Variants in TKTL1 observed in about 807,000 individuals in gnomAD.
The protein encoded by TKTL1 is transketolase-like protein 1.
A neutral mutation model predicts 39.3 loss-of-function variants in TKTL1; 1 was observed. That is an observed-to-expected ratio of 0.03 (90% CI 0.01 to 0.12). TKTL1 has a LOEUF of 0.12. Ranked by LOEUF, TKTL1 falls within the 10% of genes least tolerant of loss-of-function variation. The pLI, the probability that TKTL1 is intolerant of heterozygous loss-of-function variation, is 1.00. For synonymous variants in TKTL1, 262 were observed against 193.8 expected, an observed-to-expected ratio of 1.35 and a Z score of -2.92; for missense variants, 575 against 509.6, an observed-to-expected ratio of 1.13 and a Z score of -1.24.
intron 1 of TKTL1, among the ~76,000 whole-genome samples, chrX:154,301,746 A>G (rs1348476913): frequency 1.0e-5 from 1 of 97,313 alleles, no homozygotes; most frequent in African/African-American, 3.9e-5. Flanking sequence ...TTTAGTCCCC[A>G]TTTTCTTTCT....
In TKTL1 at chrX:154,311,237, A is replaced by G. The variant is rs972546874; in HGVS notation, c.669A>G (p.Pro223=). 8.3e-7 allele frequency: 1 copy of G among 1,210,051 alleles called. No individual in the cohort carries two copies. The highest frequency in any genetic ancestry group is 1.1e-6 in the Non-Finnish European group (1 of 894,978). ...VAKTFKGRGT[P]SIEDAESWHA... ...AGACCTTCAAGGGCCGGGGCACCCC[A>G]AGTAAGCAAGCACTTTCCTCCTGCT... The change falls in exon 5 of 13, where the codon CCA becomes CCG. Residue 223 remains proline, a splice_region_variant and synonymous_variant. Transcript: ENST00000369915.
chrX:154,307,210 C>T (rs1265041376), intron 2 of TKTL1, among the ~76,000 whole-genome samples: 2 of 109,910 alleles, frequency 1.8e-5, no homozygotes, highest in East Asian at 5.7e-4. Flanking sequence ...AGAGCAAGAC[C>T]CTGTCTCAAA....
Position 154,320,909 on chromosome X carries a change from T to C in TKTL1, c.1182T>C (p.Ser394=), listed in dbSNP as rs782249363. The C allele has an allele frequency of 2.1e-5, 25 of 1,209,543 alleles. No homozygotes were observed. The highest frequency in any genetic ancestry group is 2.6e-5 in the Non-Finnish European group (23 of 894,623). The change falls in exon 8 of 13, where the codon TCT becomes TCC. Residue 394 remains serine, a synonymous_variant. Coordinates refer to ENST00000369915, the MANE Select transcript of TKTL1 (RefSeq NM_012253.4). ...INIIGSHCGV[S]VGDDGASQMA... ...TTATTGGTTCCCACTGTGGGGTATCTGTTGGTAAGGGTTCTAAATGCCATC... is the reference window on the plus strand; with the variant it reads ...TTATTGGTTCCCACTGTGGGGTATCCGTTGGTAAGGGTTCTAAATGCCATC...
At chrX:154,319,926 A>G (rs1332777541) in intron 7 of TKTL1, among the ~76,000 whole-genome samples, 3 of 111,653 alleles carry the variant, frequency 2.7e-5, no homozygotes, top group African/African-American at 9.8e-5. Context: ...TTGAGCCCGG[A>G]CTTCTGGGGA....
At chrX:154,315,123 T>C in intron 6 of TKTL1, 50 bp from the exon 7 acceptor site, 1 of 1,152,026 alleles carries the variant, frequency 8.7e-7, no homozygotes, top group Non-Finnish European at 1.2e-6. Flanking sequence ...AGTCGTTCCT[T>C]CTAAATGCAT....
At chrX:154,305,047 G>A in intron 1 of TKTL1, 2 of 1,110,330 alleles carry the variant, frequency 1.8e-6, no homozygotes, top group Non-Finnish European at 2.4e-6. Context: ...TCATGTCAGA[G>A]GCACAAAGGA....
chrX:154,298,867 CAG>C lies in TKTL1; in HGVS notation c.134+2877_134+2878del, dbSNP rs782508355. Among the ~76,000 whole-genome samples, 420 of 109,907 alleles carry C rather than the reference CAG, an allele frequency of 3.8e-3. 1 individual carries two copies. Among genetic ancestry groups the C allele is most frequent in the African/African-American group, 0.013 (401 of 30,219 alleles). On this transcript the variant is annotated intron_variant, in intron 1 of 12. Transcript: ENST00000369915. ...ATTTATTTATTATTATTTTTTGAGA[CAG>C]AGTCTTGCTGTGTCGCCCAGGCTAG... is the stretch of plus-strand genomic sequence containing the variant.
At chrX:154,314,368 A>G (rs782810083) in intron 6 of TKTL1, among the ~76,000 whole-genome samples, 23 of 111,740 alleles carry the variant, frequency 2.1e-4, no homozygotes, top group African/African-American at 7.2e-4. Context: ...CTTCATTAGT[A>G]CATTAAAAAA....
intron 1 of TKTL1, among the ~76,000 whole-genome samples, chrX:154,296,220 T>C (rs2067226841): frequency 1.8e-5 from 2 of 109,753 alleles, no homozygotes; most frequent in Non-Finnish European, 3.8e-5. Context: ...CAGCCGCGGG[T>C]TCTGGAGCCC....
At chrX:154,321,084 A>T (rs1557170648) in intron 8 of TKTL1, among the ~76,000 whole-genome samples, 171 bp downstream of exon 8, 1 of 107,948 alleles carries the variant, frequency 9.3e-6, no homozygotes, top group Admixed American at 1.0e-4. Context: ...TCTCAGGGCA[A>T]CTTTTGAAGT....
chrX:154,309,078 C>T lies in TKTL1; in HGVS notation c.253-267C>T, dbSNP rs1249620587. ...TTACCTATGACTCCCTGGGCAGGGA[C>T]AGTGGATGTCTTCGTCACCTTAGTC... On this transcript the variant is annotated intron_variant, in intron 2 of 12. Transcript: ENST00000369915. 1.2e-4 allele frequency among the ~76,000 whole-genome samples: 13 copies of T among 111,353 alleles called. 1 individual carries two copies. The highest frequency in any genetic ancestry group is 1.0e-3 in the Admixed American group (11 of 10,493).
intron 9 of TKTL1, among the ~76,000 whole-genome samples, chrX:154,324,760 A>G (rs1557171581): frequency 8.9e-6 from 1 of 112,095 alleles, no homozygotes; most frequent in Non-Finnish European, 1.9e-5. Flanking sequence ...ATCATAGCGT[A>G]TGAACGAACA....
chrX:154,317,155 C>G (rs1317044822), intron 7 of TKTL1, among the ~76,000 whole-genome samples: 1 of 111,981 alleles, frequency 8.9e-6, no homozygotes, highest in Non-Finnish European at 1.9e-5. Flanking sequence ...TTGCTCCCCA[C>G]CTCACTGATT....
At chrX:154,309,228 T>C (rs2067337060) in intron 2 of TKTL1, 117 bp from the exon 3 acceptor site, 1 of 588,427 alleles carries the variant, frequency 1.7e-6, no homozygotes, top group Non-Finnish European at 2.9e-6. Context: ...CGGGAGGGGC[T>C]GTTCGGATGG....
At chrX:154,309,076 G>A (rs1417021083) in intron 2 of TKTL1, among the ~76,000 whole-genome samples, 1 of 111,220 alleles carries the variant, frequency 9.0e-6, no homozygotes, top group East Asian at 2.8e-4. Flanking sequence ...CCTGGGCAGG[G>A]ACAGTGGATG....
intron 11 of TKTL1, 26 bp from the exon 12 acceptor site, chrX:154,327,812 AC>A (rs1557172295): frequency 8.3e-7 from 1 of 1,210,984 alleles, no homozygotes; most frequent in African/African-American, 1.7e-5. Flanking sequence ...TCTTTCTTGT[AC>A]CAAGCTGGTT....
chrX:154,307,311 AC>A (rs1434968158), intron 2 of TKTL1, among the ~76,000 whole-genome samples: 1 of 111,949 alleles, frequency 8.9e-6, no homozygotes, highest in Non-Finnish European at 1.9e-5. Flanking sequence ...GCAGCAGCAC[AC>A]CAGGCCCTGT....
intron 6 of TKTL1, among the ~76,000 whole-genome samples, chrX:154,312,975 C>T (rs1025096111): frequency 3.6e-5 from 4 of 111,881 alleles, no homozygotes; most frequent in Non-Finnish European, 7.5e-5. Flanking sequence ...GTCCAAAGTG[C>T]AGCTGTGTCA....
chrX:154,302,888 A>G (rs1403577391), intron 1 of TKTL1, among the ~76,000 whole-genome samples: 2 of 110,991 alleles, frequency 1.8e-5, no homozygotes, highest in Middle Eastern at 4.2e-3. Flanking sequence ...GGAGTGACCC[A>G]GCTGCAAGAC....
Sources: allele counts gnomAD v4.1 joint callset (sites outside exome capture counted in the v4.1 genomes callset), GRCh38; gene constraint gnomAD v4.1.1; transcripts MANE v1.5; gene names NCBI Gene and HGNC (gene_info 2026-07-23, HGNC 2026-07-21).